RIC1: variants seen among roughly 807,000 people sequenced by gnomAD.
The protein encoded by RIC1 is RIC1 partner of RAB6A GEF complex, also known as guanine nucleotide exchange factor subunit RIC1.
RIC1 carries 88 observed loss-of-function variants against 169.0 expected under a neutral mutation model. That is an observed-to-expected ratio of 0.52 (90% CI 0.44 to 0.62). The LOEUF (loss-of-function observed/expected upper bound fraction) is 0.62. Among genes scored for constraint, RIC1 ranks in the 20% least tolerant of loss-of-function variants. RIC1 has a pLI of 0.00. For missense variants in RIC1, 1,877 were observed against 1,725.5 expected, an observed-to-expected ratio of 1.09 and a Z score of -1.56; for synonymous variants, 790 against 601.5, an observed-to-expected ratio of 1.31 and a Z score of -4.59.
chr9:5,695,035 T>G (rs1183846322), intron 3 of RIC1, among the ~76,000 whole-genome samples: 1 of 152,178 alleles, frequency 6.6e-6, no homozygotes, highest in Non-Finnish European at 1.5e-5. Context: ...AAATACATTA[T>G]GAGTTAGGTG....
rs1008571356 is a variant in RIC1 at position 5,656,502 on chromosome 9, T to A, written c.145-81T>A. 1.8e-5 allele frequency: 11 copies of A among 602,566 alleles called. No homozygotes were observed. The African/African-American group carries it at 2.0e-4, about 11-fold the overall frequency. The allele number at this position is 602,566 out of a possible 1,614,324, so 37.3% of individuals were successfully genotyped here. ...TTTACTGTAAAAATACTTTGAATAC[T>A]CTGTTATCTTAAATTTTATTTGTGT... On this transcript the variant is annotated intron_variant, in intron 1 of 25. Transcript: ENST00000414202.
intron 2 of RIC1, among the ~76,000 whole-genome samples, chr9:5,677,645 C>G (rs1223690573): frequency 6.6e-6 from 1 of 151,694 alleles, no homozygotes; most frequent in East Asian, 1.9e-4. Flanking sequence ...TTCAAAGTTG[C>G]TTTTGCTATT....
chr9:5,763,585 C>A lies in RIC1; in HGVS notation c.2558C>A (p.Thr853Lys), dbSNP rs1309866492. 1.9e-6 allele frequency: 3 copies of A among 1,614,058 alleles called. No individual in the cohort carries two copies. The African/African-American group carries it at 4.0e-5, about 22-fold the overall frequency. ...TTGCTCTTGGCCCAGTCCTGTGCCA[C>A]ATTACCTTACTTCCCTCATGTGCTG... ...QALLLAQSCATLPYFPHVLEL... is the reference protein window; with the variant it reads ...QALLLAQSCAKLPYFPHVLEL... Residue 853 changes from threonine (T) to lysine (K), a missense_variant, in exon 19 of 26, where the codon ACA (threonine) becomes AAA (lysine). Around this residue, in one of 3 missense-constraint regions of RIC1, gnomAD observed 92 missense variants for 151.5 expected, o/e 0.61. Coordinates refer to ENST00000414202, the MANE Select transcript of RIC1 (RefSeq NM_020829.4). The surrounding 1 kb of genome is among the most constrained non-coding windows in gnomAD (Gnocchi z 5.2).
At chr9:5,776,647 G>A (rs967532655), downstream of RIC1, 6 of 151,864 alleles carry the variant, frequency 4.0e-5, no homozygotes, top group Admixed American at 3.3e-4. Context: ...CTTATGAAAT[G>A]AAATTCAGAC....
chr9:5,698,582 G>T (rs902296337), intron 3 of RIC1, among the ~76,000 whole-genome samples: 1 of 152,056 alleles, frequency 6.6e-6, no homozygotes, highest in Non-Finnish European at 1.5e-5. Flanking sequence ...TCTTAGACTT[G>T]CTATTGATAC....
At chr9:5,750,144 A>G (rs1825637150) in intron 12 of RIC1, among the ~76,000 whole-genome samples, 1 of 151,824 alleles carries the variant, frequency 6.6e-6, no homozygotes, top group East Asian at 1.9e-4. Flanking sequence ...ATAAGTTTTA[A>G]AACTTTTGAA....
Position 5,772,516 on chromosome 9 carries a change from A to G in RIC1, c.3617-48A>G, listed in dbSNP as rs747952981. 3.5e-6 allele frequency: 5 copies of G among 1,438,326 alleles called. No individual in the cohort carries two copies. The Admixed American group carries it at 7.1e-5, about 20-fold the overall frequency. 89.1% of individuals were successfully genotyped at this position (1,438,326 alleles called of 1,614,324 possible). On this transcript the variant is annotated intron_variant, in intron 23 of 25. Coordinates refer to ENST00000414202, the MANE Select transcript of RIC1 (RefSeq NM_020829.4). ...CTAATATTTAAAATTAAAGGAAAATATATTTTCTCCACGAAGTTGGTTGTA... is the reference window on the plus strand; with the variant it reads ...CTAATATTTAAAATTAAAGGAAAATGTATTTTCTCCACGAAGTTGGTTGTA...
intron 6 of RIC1, among the ~76,000 whole-genome samples, chr9:5,729,550 G>C (rs1379059298): frequency 6.6e-6 from 1 of 151,914 alleles, no homozygotes; most frequent in Non-Finnish European, 1.5e-5. Flanking sequence ...TTTTGTCTTT[G>C]CTGCTTTATG....
Position 5,631,531 on chromosome 9 carries a change from C to A in RIC1, c.144+2078C>A, listed in dbSNP as rs191827375. Among the ~76,000 whole-genome samples the A allele has an allele frequency of 3.9e-3, 597 of 151,692 alleles. 1 individual carries two copies. The highest frequency in any genetic ancestry group is 0.014 in the African/African-American group (581 of 41,386). On this transcript the variant is annotated intron_variant, in intron 1 of 25. Transcript: ENST00000414202. ...TGAAATCCCGTCTCTACTAAAAATA[C>A]AAAAAAATAGCTGGGCGTGGTGGTG...
chr9:5,772,496 A>G, intron 23 of RIC1, 68 bp from the exon 24 acceptor site: 1 of 1,303,666 alleles, frequency 7.7e-7, no homozygotes, highest in Non-Finnish European at 1.0e-6. Context: ...AACAGCTAAT[A>G]TTTAAAATTA....
chr9:5,743,054 T>TG, intron 9 of RIC1, 41 bp downstream of exon 9: 1 of 1,579,342 alleles, frequency 6.3e-7, no homozygotes. Context: ...ATAACTCCAT[T>TG]ATTTCTCACA....
At chr9:5,724,741 A>C (rs967219283) in intron 6 of RIC1, among the ~76,000 whole-genome samples, 2 of 152,148 alleles carry the variant, frequency 1.3e-5, no homozygotes, top group African/African-American at 4.8e-5. Flanking sequence ...ATCAATACCT[A>C]GTTTATTGAG....
chr9:5,698,178 C>G (rs1822014958), intron 3 of RIC1, among the ~76,000 whole-genome samples: 1 of 152,178 alleles, frequency 6.6e-6, no homozygotes, highest in South Asian at 2.1e-4. Flanking sequence ...AAAGAAATGG[C>G]TGTTGAATTT....
At position 5,732,966 on chromosome 9, in the gene RIC1, C is replaced by G. The variant is rs1041048842; in HGVS notation, c.812+487C>G. On this transcript the variant is annotated intron_variant, in intron 7 of 25. Transcript: ENST00000414202. ...AAATTGAATAAAATTATTTATTCAA[C>G]AAGTATCTGTATGCCTATCACATAC... 3.3e-5 allele frequency among the ~76,000 whole-genome samples: 5 copies of G among 151,998 alleles called. No individual in the cohort carries two copies. The East Asian group carries it at 9.6e-4, about 29-fold the overall frequency.
chr9:5,743,890 G>T (rs1017566688), intron 10 of RIC1, among the ~76,000 whole-genome samples, 153 bp downstream of exon 10: 2 of 151,994 alleles, frequency 1.3e-5, no homozygotes, highest in African/African-American at 4.8e-5. Context: ...GCTCACTGCA[G>T]CCTCTCTAAG....
chr9:5,699,333 C>T (rs530094114), intron 3 of RIC1, among the ~76,000 whole-genome samples: 1 of 152,276 alleles, frequency 6.6e-6, no homozygotes, highest in East Asian at 1.9e-4. Context: ...TGTGTGAGTG[C>T]GCCCTCCAAT....
Position 5,670,507 on chromosome 9 carries a change from A to G in RIC1, c.252+13817A>G, listed in dbSNP as rs1820025193. Among the ~76,000 whole-genome samples the G allele has an allele frequency of 1.3e-5, 2 of 152,204 alleles. 1 individual carries two copies. The highest frequency in any genetic ancestry group is 4.1e-4 in the South Asian group (2 of 4,828). ...TAGCTGTTGGGAGAGTTGGTCTGCC[A>G]TGACCTACTTATTGTATATTACTGT... On this transcript the variant is annotated intron_variant, in intron 2 of 25. Transcript: ENST00000414202.
In RIC1 at chr9:5,775,021, T is replaced by A. The variant is rs914917827; in HGVS notation, c.*775T>A. 1.3e-5 allele frequency: 2 copies of A among 152,220 alleles called. No homozygotes were observed. The highest frequency in any genetic ancestry group is 4.8e-5 in the African/African-American group (2 of 41,452). The allele number at this position is 152,220 out of a possible 1,614,324, so 9.4% of individuals were successfully genotyped here. ...GGCACTGTTCATATTTTAGGGCTTG[T>A]ATTATAATTTGCAAGGTTTTAATGC... On this transcript the variant is annotated 3_prime_UTR_variant, in exon 26 of 26. Coordinates refer to ENST00000414202, the MANE Select transcript of RIC1 (RefSeq NM_020829.4).
At chr9:5,645,130 T>C (rs941078466) in intron 1 of RIC1, among the ~76,000 whole-genome samples, 11 of 152,134 alleles carry the variant, frequency 7.2e-5, no homozygotes, top group African/African-American at 1.7e-4. Flanking sequence ...CTTGGGTCAC[T>C]GCAGCCTTGA....
Sources: gnomAD v4.1 joint callset for allele counts (sites outside exome capture counted in the v4.1 genomes callset) on GRCh38, gnomAD v4.1.1 for gene constraint, gnomAD v4.1.1 regional missense constraint, Gnocchi (gnomAD v3.1) non-coding constraint, MANE v1.5 for transcripts, NCBI Gene and HGNC (gene_info 2026-07-23, HGNC 2026-07-21) for gene names.